The following ATP7A variants were observed in gnomAD, a reference collection of about 807,000 sequenced individuals.
The protein encoded by ATP7A is ATPase copper transporting alpha, also known as copper-transporting ATPase 1.
ATP7A carries 7 observed loss-of-function variants against 83.5 expected under a neutral mutation model. That is an observed-to-expected ratio of 0.08 (90% CI 0.05 to 0.16). ATP7A has a LOEUF of 0.16. ATP7A is among the 10% of genes least tolerant of loss of function. The probability of loss-of-function intolerance (pLI) is 1.00; values close to 1 mark genes in which losing one functional copy is unlikely to be tolerated. For missense variants in ATP7A, 940 were observed against 1,120.8 expected (o/e 0.84, Z 2.30); for synonymous variants, 354 against 395.2 (o/e 0.90, Z 1.24).
intron 1 of ATP7A, among the ~76,000 whole-genome samples, chrX:77,928,415 C>T (rs1603370860): frequency 1.8e-5 from 2 of 111,296 alleles, no homozygotes; most frequent in East Asian, 5.6e-4. Context: ...TACACACACA[C>T]ACACACTCAT....
rs184646064 is a variant in ATP7A at position 77,989,359 on chromosome X, A to C, written c.737A>C (p.Lys246Thr). 1 of 1,209,783 alleles carries C rather than the reference A, an allele frequency of 8.3e-7. No homozygotes were observed. The highest frequency in any genetic ancestry group is 3.0e-5 in the East Asian group (1 of 33,762). ...AFVKKQPKYL[K>T]LGAIDVERLK... is the part of the protein sequence containing the mutation. ...GTCAAAAAGCAGCCCAAGTACCTCAAATTGGGAGCTATTGATGTAGAACGT... is the reference window on the plus strand; with the variant it reads ...GTCAAAAAGCAGCCCAAGTACCTCACATTGGGAGCTATTGATGTAGAACGT... The change falls in exon 4 of 23, where the codon AAA becomes ACA. Residue 246 changes from lysine to threonine, a missense_variant. Physicochemically the swap from Lys to Thr is moderately conservative, Grantham distance 78. Coordinates refer to ENST00000341514, the MANE Select transcript of ATP7A (RefSeq NM_000052.7).
At chrX:77,994,134 C>T (rs1046725069) in intron 4 of ATP7A, among the ~76,000 whole-genome samples, 3 of 110,666 alleles carry the variant, frequency 2.7e-5, no homozygotes, top group Non-Finnish European at 5.7e-5. Flanking sequence ...GGCGCAATCT[C>T]GGCTCACTGT....
intron 1 of ATP7A, among the ~76,000 whole-genome samples, chrX:77,958,259 G>T (rs1035104309): frequency 4.5e-5 from 5 of 111,074 alleles, no homozygotes; most frequent in African/African-American, 1.6e-4. Flanking sequence ...GCAAATGCCA[G>T]CATCATGCTT....
intron 4 of ATP7A, among the ~76,000 whole-genome samples, chrX:77,993,912 A>G (rs1384385613): frequency 9.0e-6 from 1 of 111,007 alleles, no homozygotes; most frequent in African/African-American, 3.3e-5. Flanking sequence ...AATAGCTAGC[A>G]TTTTTTTAGG....
chrX:77,932,085 G>A (rs1361570464), intron 1 of ATP7A, among the ~76,000 whole-genome samples: 14 of 101,161 alleles, frequency 1.4e-4, no homozygotes, highest in Admixed American at 3.1e-4. Context: ...GCTGCCGGGC[G>A]GAGACGCTCC....
At chrX:77,981,442 T>C (rs1384353039) in intron 2 of ATP7A, among the ~76,000 whole-genome samples, 2 of 112,118 alleles carry the variant, frequency 1.8e-5, no homozygotes, top group African/African-American at 6.5e-5. Context: ...CTATTTCTTT[T>C]GTATATTTTT....
intron 1 of ATP7A, among the ~76,000 whole-genome samples, chrX:77,959,078 G>A (rs1449600269): frequency 1.8e-5 from 2 of 110,933 alleles, no homozygotes; most frequent in East Asian, 2.8e-4. Context: ...GTGAGCCAAC[G>A]CACCCAGCCA....
At chrX:78,034,915 T>A (rs2078004207) in intron 17 of ATP7A, among the ~76,000 whole-genome samples, 1 of 110,449 alleles carries the variant, frequency 9.1e-6, no homozygotes, top group African/African-American at 3.3e-5. Context: ...GCTAATTTTT[T>A]GTATTTTTAG....
intron 1 of ATP7A, among the ~76,000 whole-genome samples, chrX:77,920,754 A>G (rs1363541920): frequency 2.7e-5 from 3 of 111,231 alleles, no homozygotes; most frequent in Non-Finnish European, 5.7e-5. Context: ...TATTATTGTG[A>G]ATAGTGCTGC....
chrX:78,048,218 T>C lies in ATP7A; in HGVS notation c.*1648T>C, dbSNP rs1185087505. ...GCTAATACACTGGTCAGAGATCTGG[T>C]ACTTGTAAGACTATTTAAATTTCTT... On this transcript the variant is annotated 3_prime_UTR_variant, in exon 23 of 23. Transcript: ENST00000341514. The C allele has an allele frequency of 8.9e-6, 1 of 112,185 alleles. No homozygotes were observed. Among genetic ancestry groups the C allele is most frequent in the African/African-American group, 3.2e-5 (1 of 30,887 alleles). 9.2% of individuals were successfully genotyped at this position (112,185 alleles called of 1,213,427 possible). A position where few individuals can be genotyped will look rare whatever the true frequency, so the allele number is the denominator to read the frequency against.
At chrX:78,042,518 T>C in intron 19 of ATP7A, 67 bp from the exon 20 acceptor site, 1 of 1,071,543 alleles carries the variant, frequency 9.3e-7, no homozygotes, top group African/African-American at 1.8e-5. Flanking sequence ...GATGGCTTGT[T>C]ATTGCTCAGT....
At chrX:77,970,630 C>G (rs782408661) in intron 1 of ATP7A, among the ~76,000 whole-genome samples, 1 of 111,711 alleles carries the variant, frequency 9.0e-6, no homozygotes, top group Non-Finnish European at 1.9e-5. Flanking sequence ...TGAGATCGTG[C>G]CACAGCACTC....
intron 9 of ATP7A, 64 bp from the exon 10 acceptor site, chrX:78,012,815 T>C: frequency 1.0e-6 from 1 of 957,131 alleles, no homozygotes; most frequent in East Asian, 3.1e-5. Context: ...CTTTAAGTTA[T>C]TGAGATATAT....
intron 5 of ATP7A, among the ~76,000 whole-genome samples, chrX:78,000,150 A>G (rs782712698): frequency 1.8e-5 from 2 of 111,074 alleles, no homozygotes; most frequent in East Asian, 5.6e-4. Context: ...AATGTATGGT[A>G]TACGGAGTCA....
At chrX:78,014,613 T>C in intron 10 of ATP7A, 49 bp from the exon 11 acceptor site, 2 of 1,004,130 alleles carry the variant, frequency 2.0e-6, no homozygotes, top group South Asian at 3.9e-5. Flanking sequence ...AGTTAAGACC[T>C]GAACTTTTTC....
chrX:77,979,894 C>T (rs1452597253), intron 2 of ATP7A, among the ~76,000 whole-genome samples: 1 of 112,431 alleles, frequency 8.9e-6, no homozygotes, highest in African/African-American at 3.2e-5. Flanking sequence ...CTTGTTTGTA[C>T]TGCCAGTGTT....
intron 2 of ATP7A, among the ~76,000 whole-genome samples, chrX:77,974,564 C>G (rs1184619850): frequency 9.9e-5 from 11 of 110,825 alleles, no homozygotes; most frequent in Non-Finnish European, 1.9e-4. Context: ...GGGAAACATT[C>G]AGTCATTTAC....
chrX:77,964,507 T>G (rs1449522442), intron 1 of ATP7A: 1 of 110,716 alleles, frequency 9.0e-6, no homozygotes, highest in African/African-American at 3.3e-5. Flanking sequence ...CCATGGTGGT[T>G]TGCTGCACCC....
chrX:78,013,190 A>C, intron 10 of ATP7A, 78 bp downstream of exon 10: 1 of 889,321 alleles, frequency 1.1e-6, no homozygotes, highest in African/African-American at 1.9e-5. Flanking sequence ...CAATCATTGG[A>C]AATACATGCT....
Sources: allele counts gnomAD v4.1 joint callset (sites outside exome capture counted in the v4.1 genomes callset), GRCh38; gene constraint gnomAD v4.1.1; transcripts MANE v1.5; gene names NCBI Gene and HGNC (gene_info 2026-07-23, HGNC 2026-07-21).